The following GSG1L variants were observed in gnomAD, a reference collection of about 807,000 sequenced individuals.
The protein encoded by GSG1L is GSG1 like.
In GSG1L, 24 loss-of-function variants were observed where a neutral mutation model predicts 42.1. That is an observed-to-expected ratio of 0.57 (90% CI 0.41 to 0.80). GSG1L has a LOEUF of 0.80. Ranked by LOEUF, GSG1L falls within the 30% of genes least tolerant of loss-of-function variation. GSG1L has a pLI of 0.00. For synonymous variants in GSG1L, 215 were observed against 203.5 expected (o/e 1.06, Z -0.48); for missense variants, 445 against 472.2 (o/e 0.94, Z 0.53).
intron 2 of GSG1L, among the ~76,000 whole-genome samples, chr16:27,885,399 T>C (rs1366440081): frequency 3.1e-4 from 47 of 152,220 alleles, no homozygotes; most frequent in Non-Finnish European, 5.9e-5. Context: ...TTTGCCTGCC[T>C]CAGCCTCCCT....
intron 1 of GSG1L, among the ~76,000 whole-genome samples, chr16:27,991,532 G>C (rs1474071962): frequency 6.6e-6 from 1 of 151,596 alleles, no homozygotes; most frequent in Admixed American, 6.6e-5. Context: ...AGCCTCCCGA[G>C]TAGCTGGGAT....
chr16:27,948,374 TC>T (rs2084909629), intron 2 of GSG1L, among the ~76,000 whole-genome samples: 1 of 152,036 alleles, frequency 6.6e-6, no homozygotes, highest in Non-Finnish European at 1.5e-5. Flanking sequence ...TTATTCTTAT[TC>T]TTATTCTTAT....
intron 6 of GSG1L, among the ~76,000 whole-genome samples, chr16:27,797,294 A>G (rs12445660): frequency 0.17 from 26,427 of 151,658 alleles, 2,307 homozygotes; most frequent in African/African-American, 0.23. Context: ...AGGCTGAGGC[A>G]GGTGGATTAC....
chr16:28,052,871 G>A (rs1227158688), intron 1 of GSG1L, among the ~76,000 whole-genome samples: 2 of 152,360 alleles, frequency 1.3e-5, no homozygotes, highest in African/African-American at 2.4e-5. Context: ...ACAGTGACTC[G>A]TGTCCAAGTC....
At chr16:27,973,566 G>T (rs2085217898) in intron 1 of GSG1L, among the ~76,000 whole-genome samples, 1 of 151,636 alleles carries the variant, frequency 6.6e-6, no homozygotes, top group South Asian at 2.1e-4. Context: ...CTAATTGGGG[G>T]AAACAAGAGT....
chr16:27,817,718 A>T (rs2083112222), intron 5 of GSG1L, among the ~76,000 whole-genome samples: 1 of 152,178 alleles, frequency 6.6e-6, no homozygotes, highest in South Asian at 2.1e-4. Context: ...AAATGAAATG[A>T]AAAAAATGCA....
intron 4 of GSG1L, among the ~76,000 whole-genome samples, chr16:27,841,662 A>G (rs1596548240): frequency 6.6e-6 from 1 of 152,188 alleles, no homozygotes; most frequent in South Asian, 2.1e-4. Context: ...AACGGGGCTG[A>G]TCCATCTTGC....
At chr16:27,842,620 G>T (rs1024073821) in intron 4 of GSG1L, among the ~76,000 whole-genome samples, 1 of 152,038 alleles carries the variant, frequency 6.6e-6, no homozygotes, top group Non-Finnish European at 1.5e-5. Context: ...GTTGGGTAAA[G>T]GGAGGTCAGA....
chr16:27,940,817 A>T (rs1422277561), intron 2 of GSG1L, among the ~76,000 whole-genome samples: 1 of 151,498 alleles, frequency 6.6e-6, no homozygotes, highest in Non-Finnish European at 1.5e-5. Flanking sequence ...ACTAACCTGC[A>T]CATTGTGCGC....
chr16:27,895,743 G>A (rs1042071594), intron 2 of GSG1L, among the ~76,000 whole-genome samples: 1 of 152,180 alleles, frequency 6.6e-6, no homozygotes, highest in African/African-American at 2.4e-5. Flanking sequence ...AGGTCACGAC[G>A]CTCACTCGGA....
chr16:27,983,285 G>A (rs62031269), intron 1 of GSG1L, among the ~76,000 whole-genome samples: 30,640 of 151,916 alleles, frequency 0.2, 3,392 homozygotes, highest in Non-Finnish European at 0.26. Context: ...CAGTGAGCCC[G>A]GATCATGTCA....
At chr16:28,015,648 A>G (rs2085772010) in intron 1 of GSG1L, among the ~76,000 whole-genome samples, 1 of 152,242 alleles carries the variant, frequency 6.6e-6, no homozygotes, top group Non-Finnish European at 1.5e-5. Context: ...CTCATTCATG[A>G]TTAGTATGTA....
intron 1 of GSG1L, among the ~76,000 whole-genome samples, chr16:28,004,908 G>A (rs1403277319): frequency 2.6e-5 from 4 of 152,256 alleles, no homozygotes; most frequent in South Asian, 4.1e-4. Flanking sequence ...AAAGACTGAC[G>A]ACTGCCTGGG....
rs117150158 is a variant in GSG1L, at chr16:27,839,332, A to G, written c.662+5618T>C. 1.5e-3 allele frequency among the ~76,000 whole-genome samples: 226 copies of G among 152,278 alleles called. 3 individuals are homozygous for G. The East Asian group carries it at 0.038, about 26-fold the overall frequency. On this transcript the variant is annotated intron_variant, in intron 4 of 6. Transcript: ENST00000447459. ...CTTCTCTGGGCCCTCCAGCTCTTAT[A>G]AGCTTCCACACCACGATGTCCCACT... is the stretch of plus-strand genomic sequence containing the variant.
At chr16:28,041,133 C>A (rs1471240043) in intron 1 of GSG1L, among the ~76,000 whole-genome samples, 2 of 152,072 alleles carry the variant, frequency 1.3e-5, no homozygotes, top group African/African-American at 4.8e-5. Context: ...CCTCTTTGAT[C>A]CCTGATAGCT....
At chr16:27,982,866 G>A (rs1004627276) in intron 1 of GSG1L, among the ~76,000 whole-genome samples, 7 of 152,190 alleles carry the variant, frequency 4.6e-5, no homozygotes, top group African/African-American at 1.7e-4. Context: ...AGGGATCCAC[G>A]CCCATGACCC....
intron 6 of GSG1L, 114 bp downstream of exon 6, chr16:27,807,373 A>T (rs1273816890): frequency 3.9e-6 from 3 of 774,092 alleles, no homozygotes; most frequent in African/African-American, 3.5e-5. Context: ...TGTTTGTGGG[A>T]GAATGCAGGG....
chr16:27,946,639 GAAAGAAAGAAAGAAAGA>G (rs1240724906), intron 2 of GSG1L, among the ~76,000 whole-genome samples: 1,140 of 7,486 alleles, frequency 0.15, 33 homozygotes, highest in Middle Eastern at 0.25. Context: ...GAGAAAGAAA[GAAAGAAAGAAAGAAAGA>G]AAAGAAAGAA....
At chr16:27,946,567 AAGAAAGAAAGAAAGAGAGAGAGAGAGAG>A (rs1567529671) in intron 2 of GSG1L, among the ~76,000 whole-genome samples, 10 of 9,830 alleles carry the variant, frequency 1.0e-3, no homozygotes, top group South Asian at 4.0e-3. Flanking sequence ...GAAAGAAAGA[AAGAAAGAAAGAAAGAGAGAGAGAGAGAG>A]AGAGAGAGAG....
Sources: gnomAD v4.1 joint callset for allele counts (sites outside exome capture counted in the v4.1 genomes callset) on GRCh38, gnomAD v4.1.1 for gene constraint, MANE v1.5 for transcripts, NCBI Gene and HGNC (gene_info 2026-07-23, HGNC 2026-07-21) for gene names.